ADPGK: variants seen among roughly 807,000 people sequenced by gnomAD.
ADPGK encodes the protein ADP dependent glucokinase, also known as ADP-dependent glucokinase.
In ADPGK, 26 loss-of-function variants were observed where a neutral mutation model predicts 42.4. That is an observed-to-expected ratio of 0.61 (90% CI 0.45 to 0.85). The LOEUF is 0.85. Ranked by LOEUF, ADPGK falls within the 40% of genes least tolerant of loss-of-function variation. The pLI is 0.00. For missense variants in ADPGK, 571 were observed against 627.0 expected (o/e 0.91, Z 0.95); for synonymous variants, 267 against 252.6 (o/e 1.06, Z -0.54).
chr15:72,758,822 C>T (rs1414332555), intron 4 of ADPGK, among the ~76,000 whole-genome samples: 1 of 152,228 alleles, frequency 6.6e-6, no homozygotes, highest in Non-Finnish European at 1.5e-5. Context: ...CCAGTTCCTG[C>T]TGTGGGTGCC....
rs548280810 is a variant in ADPGK at position 72,752,689 on chromosome 15, G to A, written c.1146C>T (p.His382=). ...TTGCCAGGATGTGGTAGACCAGCGTGTGGAAATGGATCCTGGTGAGATCCG... is the reference window on the plus strand; with the variant it reads ...TTGCCAGGATGTGGTAGACCAGCGTATGGAAATGGATCCTGGTGAGATCCG... The part of the protein sequence containing the change: ...RASDLTRIHF[H]TLVYHILATV... The change falls in exon 7 of 7, where the codon CAC becomes CAT. Residue 382 remains histidine, a synonymous_variant. Coordinates refer to ENST00000456471, the MANE Select transcript of ADPGK (RefSeq NM_001365225.1). 86 of 1,614,240 alleles carry A rather than the reference G, an allele frequency of 5.3e-5. No homozygotes were observed. The South Asian group carries it at 8.7e-4, about 16-fold the overall frequency.
chr15:72,759,468 C>T (rs2066164591), intron 4 of ADPGK, among the ~76,000 whole-genome samples: 1 of 152,188 alleles, frequency 6.6e-6, no homozygotes, highest in Admixed American at 6.5e-5. Context: ...TTCTAGTAAG[C>T]ACCCGAAAGA....
chr15:72,771,691 A>C, intron 3 of ADPGK, 92 bp downstream of exon 3: 2 of 1,190,688 alleles, frequency 1.7e-6, no homozygotes, highest in Non-Finnish European at 2.4e-6. Flanking sequence ...GTGATCCATA[A>C]GTTGAATCAA....
intron 1 of ADPGK, among the ~76,000 whole-genome samples, chr15:72,776,768 T>G (rs1322206375): frequency 1.3e-5 from 2 of 152,142 alleles, no homozygotes; most frequent in Admixed American, 6.5e-5. Flanking sequence ...TAAGGGTCCT[T>G]TTTATTAATT....
chr15:72,760,491 C>T lies in ADPGK; in HGVS notation c.559G>A (p.Glu187Lys). 4 of 1,609,796 alleles carry T rather than the reference C, an allele frequency of 2.5e-6. No homozygotes were observed. Among genetic ancestry groups the T allele is most frequent in the Non-Finnish European group, 3.4e-6 (4 of 1,176,582 alleles). Residue 187 changes from glutamate (E) to lysine (K), a missense_variant, in exon 4 of 7, where the codon GAG (glutamate) becomes AAG (lysine). Physicochemically the swap from Glu to Lys is moderately conservative, Grantham distance 56. This residue lies in a region of ADPGK where 434 missense variants were observed against 522.7 expected (regional missense o/e 0.83). Coordinates refer to ENST00000456471, the MANE Select transcript of ADPGK (RefSeq NM_001365225.1). ...ACAAAGACATTGTCATCAAGAAGCT[C>T]ATGTAGCTTTGGACCAACTGGACCG... Reference protein sequence around the residue: ...LCGPVGPKLHELLDDNVFVPP... With the variant: ...LCGPVGPKLHKLLDDNVFVPP...
intron 4 of ADPGK, chr15:72,758,314 G>C (rs2066143174): frequency 5.9e-6 from 4 of 676,282 alleles, no homozygotes; most frequent in Non-Finnish European, 1.1e-5. Context: ...TCTTCTCAAT[G>C]TATCATCCTG....
intron 4 of ADPGK, 57 bp downstream of exon 4, chr15:72,760,350 C>G: frequency 3.3e-6 from 5 of 1,507,892 alleles, no homozygotes; most frequent in Non-Finnish European, 4.5e-6. Context: ...ACACCCCAAT[C>G]TGACAATACA....
In ADPGK at chr15:72,774,953, T is replaced by C. The variant is rs572887414; in HGVS notation, c.378A>G (p.Gly126=). ...CACTGAAGAAGCGCTCAGCAGCTGCTCCCTTCCCCATGAAGTGAATGAAGG... is the reference window on the plus strand; with the variant it reads ...CACTGAAGAAGCGCTCAGCAGCTGCCCCCTTCCCCATGAAGTGAATGAAGG... ...EEAFIHFMGK[G]AAAERFFSDK... is the part of the protein sequence containing the mutation. The change falls in exon 2 of 7, where the codon GGA becomes GGG. Residue 126 remains glycine (G), a synonymous_variant. Coordinates refer to ENST00000456471, the MANE Select transcript of ADPGK (RefSeq NM_001365225.1). 6.2e-7 allele frequency: 1 copy of C among 1,614,154 alleles called. No individual in the cohort carries two copies. Among genetic ancestry groups the C allele is most frequent in the African/African-American group, 1.3e-5 (1 of 75,046 alleles).
At chr15:72,771,618 G>A (rs1365154482) in intron 3 of ADPGK, among the ~76,000 whole-genome samples, 165 bp downstream of exon 3, 1 of 152,214 alleles carries the variant, frequency 6.6e-6, no homozygotes, top group Non-Finnish European at 1.5e-5. Flanking sequence ...CAAAGTATTA[G>A]TTACTACTAT....
At chr15:72,758,634 G>A (rs2151073595) in intron 4 of ADPGK, 1 of 188,832 alleles carries the variant, frequency 5.3e-6, no homozygotes, top group Non-Finnish European at 1.1e-5. Context: ...AAAAACTGAA[G>A]TGTGAAGCTT....
At chr15:72,783,229 G>C in intron 1 of ADPGK, 1 of 1,232,608 alleles carries the variant, frequency 8.1e-7, no homozygotes, top group Non-Finnish European at 1.0e-6. Context: ...GCAAGAAGCT[G>C]TTAGGGCTGG....
In ADPGK at chr15:72,752,884, G is replaced by A. The variant is rs779778317; in HGVS notation, c.951C>T (p.Pro317=). Reference sequence around the variant, plus strand: ...CATTCAGCCCAAGGGAAGTCACCGCGGGAAAGACCTGCTAACAAAAACAAC... The same window carrying A: ...CATTCAGCCCAAGGGAAGTCACCGCAGGAAAGACCTGCTAACAAAAACAAC... ...MSSIVHQQVF[P]AVTSLGLNEQ... The change falls in exon 7 of 7, where the codon CCC becomes CCT. Residue 317 remains proline, a synonymous_variant. Transcript: ENST00000456471. 2.0e-5 allele frequency: 32 copies of A among 1,609,718 alleles called. No homozygotes were observed. The highest frequency in any genetic ancestry group is 2.5e-5 in the Non-Finnish European group (29 of 1,177,684).
chr15:72,758,614 C>G, intron 4 of ADPGK: 1 of 189,708 alleles, frequency 5.3e-6, no homozygotes, highest in Non-Finnish European at 1.1e-5. Flanking sequence ...GCAGAAGAGG[C>G]ATAGGAAAGA....
intron 3 of ADPGK, among the ~76,000 whole-genome samples, chr15:72,767,756 G>A (rs750894276): frequency 7.2e-5 from 11 of 152,120 alleles, no homozygotes; most frequent in Non-Finnish European, 1.5e-4. Flanking sequence ...TTAGTATTTT[G>A]AAATGAATGA....
Position 72,755,664 on chromosome 15 carries a change from G to A in ADPGK, c.841-10C>T, listed in dbSNP as rs749692313. 8.2e-6 allele frequency: 13 copies of A among 1,592,786 alleles called. No individual in the cohort carries two copies. In the Admixed American group the frequency reaches 1.0e-4, roughly 12 times the overall value. On this transcript the variant is annotated splice_polypyrimidine_tract_variant and intron_variant, in intron 5 of 6. Transcript: ENST00000456471. ...AAATGGAGGTTACAACCTGCAAAGAGAAGAAGATAAGCACTGCCATTAGAA... is the reference window on the plus strand; with the variant it reads ...AAATGGAGGTTACAACCTGCAAAGAAAAGAAGATAAGCACTGCCATTAGAA...
chr15:72,778,728 T>C (rs939104898), intron 1 of ADPGK, among the ~76,000 whole-genome samples: 2 of 152,208 alleles, frequency 1.3e-5, no homozygotes, highest in African/African-American at 4.8e-5. Flanking sequence ...AGGTTTTCTC[T>C]AGCTTTACAT....
intron 3 of ADPGK, among the ~76,000 whole-genome samples, chr15:72,762,688 C>T (rs967610052): frequency 6.6e-6 from 1 of 152,254 alleles, no homozygotes; most frequent in East Asian, 1.9e-4. Flanking sequence ...CCCTAAAAAA[C>T]AGGACTAAAC....
intron 2 of ADPGK, among the ~76,000 whole-genome samples, chr15:72,772,433 C>G (rs1458817341): frequency 6.6e-6 from 1 of 152,194 alleles, no homozygotes; most frequent in Non-Finnish European, 1.5e-5. Context: ...AGGTAAAACC[C>G]TGATCACTTT....
rs1567443702 is a variant in ADPGK at position 72,752,366 on chromosome 15, T to C, written c.1469A>G (p.Tyr490Cys). Residue 490 changes from tyrosine (Y) to cysteine (C), a missense_variant, in exon 7 of 7, where the codon TAT (tyrosine) becomes TGT (cysteine). Transcript: ENST00000456471. The part of the protein sequence containing the change: ...GDAISAEGLF[Y>C]SEVHPHY The stretch of plus-strand genomic sequence containing the variant: ...CTAATAGTGAGGGTGTACTTCCGAA[T>C]AGAAGAGTCCTTCGGCTGAAATGGC... 1.2e-6 allele frequency: 2 copies of C among 1,613,986 alleles called. No homozygotes were observed. The highest frequency in any genetic ancestry group is 1.7e-4 in the Middle Eastern group (1 of 6,056).
Sources: gnomAD v4.1 joint callset for allele counts (sites outside exome capture counted in the v4.1 genomes callset) on GRCh38, gnomAD v4.1.1 for gene constraint, gnomAD v4.1.1 regional missense constraint, MANE v1.5 for transcripts, NCBI Gene and HGNC (gene_info 2026-07-23, HGNC 2026-07-21) for gene names.